Variants in PLEKHA7 observed in about 807,000 individuals in gnomAD.
PLEKHA7 encodes the protein pleckstrin homology domain-containing family A member 7.
In PLEKHA7, 104 loss-of-function variants were observed where a neutral mutation model predicts 170.0. That is an observed-to-expected ratio of 0.61 (90% confidence interval 0.52 to 0.72). PLEKHA7 has a LOEUF of 0.72. Ranked by LOEUF, PLEKHA7 falls within the 30% of genes least tolerant of loss-of-function variation. The pLI is 0.00. For missense variants in PLEKHA7, 1,615 were observed against 1,671.7 expected (o/e 0.97, Z 0.59); for synonymous variants, 648 against 660.8 (o/e 0.98, Z 0.30).
chr11:16,961,816 G>C (rs1862077141), intron 3 of PLEKHA7, among the ~76,000 whole-genome samples: 1 of 152,186 alleles, frequency 6.6e-6, no homozygotes, highest in Non-Finnish European at 1.5e-5. Context: ...ATTTAACTTA[G>C]GCAAGTCTTT....
intron 3 of PLEKHA7, among the ~76,000 whole-genome samples, chr11:16,921,460 T>G (rs1285182422): frequency 1.3e-5 from 2 of 152,196 alleles, no homozygotes; most frequent in Non-Finnish European, 2.9e-5. Context: ...AGCAAACTTA[T>G]TTTACAAATT....
At chr11:17,005,999 T>A (rs1390579024) in intron 3 of PLEKHA7, among the ~76,000 whole-genome samples, 1 of 152,224 alleles carries the variant, frequency 6.6e-6, no homozygotes, top group Non-Finnish European at 1.5e-5. Context: ...TTCCCAGAAA[T>A]TCTTTGTGGG....
intron 17 of PLEKHA7, among the ~76,000 whole-genome samples, chr11:16,800,044 G>C (rs1019837657): frequency 1.3e-5 from 2 of 152,152 alleles, no homozygotes; most frequent in Non-Finnish European, 2.9e-5. Flanking sequence ...CTTAAACAAA[G>C]AGCCTTGGTT....
Position 16,959,228 on chromosome 11 carries a change from T to TACC in PLEKHA7, c.221+54760_221+54761insGGT, listed in dbSNP as rs1554983280. ...CAACAGTTATCTTTCTGCTCCCCTC[T>TACC]CTCCCCCTCAGGTAGACCCCAGTGT... On this transcript the variant is annotated intron_variant, in intron 3 of 26. Transcript: ENST00000531066. Among the ~76,000 whole-genome samples, 64 of 151,924 alleles carry TACC rather than the reference T, an allele frequency of 4.2e-4. 1 individual carries two copies. The Middle Eastern group carries it at 0.01, about 25-fold the overall frequency.
chr11:16,976,942 C>A (rs1469402117), intron 3 of PLEKHA7, among the ~76,000 whole-genome samples: 1 of 152,172 alleles, frequency 6.6e-6, no homozygotes, highest in East Asian at 1.9e-4. Context: ...GAGCACCTGG[C>A]AGTGTGCAGT....
intron 3 of PLEKHA7, among the ~76,000 whole-genome samples, chr11:16,872,333 C>T (rs924433427): frequency 2.6e-5 from 4 of 151,926 alleles, no homozygotes; most frequent in Admixed American, 6.6e-5. Flanking sequence ...GAGATATACC[C>T]GGGTATGTTC....
intron 3 of PLEKHA7, among the ~76,000 whole-genome samples, chr11:16,931,898 A>G (rs1244844413): frequency 6.6e-6 from 1 of 152,222 alleles, no homozygotes; most frequent in African/African-American, 2.4e-5. Flanking sequence ...AGAGGAAAAT[A>G]CAAGTAAAGA....
At chr11:16,934,911 G>T (rs1860182017) in intron 3 of PLEKHA7, among the ~76,000 whole-genome samples, 1 of 152,112 alleles carries the variant, frequency 6.6e-6, no homozygotes, top group Non-Finnish European at 1.5e-5. Context: ...GTTATAATTA[G>T]CACCTGTATT....
chr11:16,790,062 G>T (rs548916809), intron 21 of PLEKHA7, 184 bp from the exon 22 acceptor site: 2 of 610,350 alleles, frequency 3.3e-6, no homozygotes, highest in African/African-American at 3.7e-5. Flanking sequence ...GGCCAGCCCA[G>T]GGGTGACCTT....
chr11:16,929,595 C>G (rs947239779), intron 3 of PLEKHA7, among the ~76,000 whole-genome samples: 1 of 152,228 alleles, frequency 6.6e-6, no homozygotes, highest in African/African-American at 2.4e-5. Context: ...CTGCCTCCCC[C>G]GCTTCTTGGT....
At chr11:16,888,155 C>G (rs948749729) in intron 3 of PLEKHA7, among the ~76,000 whole-genome samples, 1 of 97,878 alleles carries the variant, frequency 1.0e-5, no homozygotes, top group Admixed American at 1.0e-4. Context: ...CCCCTCCACC[C>G]GGCAGCCGTC....
chr11:16,797,576 TC>T (rs1848319458), intron 17 of PLEKHA7, among the ~76,000 whole-genome samples: 1 of 152,174 alleles, frequency 6.6e-6, no homozygotes, highest in Non-Finnish European at 1.5e-5. Context: ...GGCTCACAGT[TC>T]TCACTCTCTC....
In PLEKHA7 at chr11:16,852,263, T is replaced by C. The variant is rs766596945; in HGVS notation, c.595+20A>G. The C allele has an allele frequency of 1.1e-5, 18 of 1,612,086 alleles. No individual in the cohort carries two copies. Among genetic ancestry groups the C allele is most frequent in the South Asian group, 4.4e-5 (4 of 90,990 alleles). ...AAAACTGAACACTTCGGCAGGGTAA[T>C]AGGCTACTTGTTAGCTCACCTTTAT... On this transcript the variant is annotated intron_variant, in intron 7 of 26. Transcript: ENST00000531066.
rs1848824716 is a variant in PLEKHA7 at position 16,778,995 on chromosome 11, G to A, written c.*3C>T. 1.4e-6 allele frequency: 1 copy of A among 702,512 alleles called. No individual in the cohort carries two copies. The highest frequency in any genetic ancestry group is 2.6e-6 in the Non-Finnish European group (1 of 385,008). The allele number at this position is 702,512 out of a possible 1,614,324, so 43.5% of individuals were successfully genotyped here. A position where few individuals can be genotyped will look rare whatever the true frequency, so the allele number is the denominator to read the frequency against. On this transcript the variant is annotated 3_prime_UTR_variant, in exon 27 of 27. Coordinates refer to ENST00000531066, the MANE Select transcript of PLEKHA7 (RefSeq NM_001329630.2). ...CTGGCTCCAGGCTTCTTTGCATGCT[G>A]GGTCACGGGTCAGTCACTGCCTGGG...
chr11:16,825,781 A>G (rs1767219437), intron 10 of PLEKHA7, among the ~76,000 whole-genome samples: 1 of 152,244 alleles, frequency 6.6e-6, no homozygotes, highest in South Asian at 2.1e-4. Flanking sequence ...AAGATCGATT[A>G]TCATTTACAT....
intron 13 of PLEKHA7, among the ~76,000 whole-genome samples, chr11:16,805,817 A>C (rs1848945185): frequency 6.6e-6 from 1 of 151,834 alleles, no homozygotes. Context: ...ACAAAAACAA[A>C]AACAAAAAAA....
In PLEKHA7 at chr11:16,786,357, AC is replaced by A; in HGVS notation, c.3387del (p.Gln1129HisfsTer20). 1 of 1,536,152 alleles carries A rather than the reference AC, an allele frequency of 6.5e-7. No homozygotes were observed. Among genetic ancestry groups the A allele is most frequent in the Non-Finnish European group, 8.7e-7 (1 of 1,146,918 alleles). The stretch of plus-strand genomic sequence containing the variant: ...TCCCCTTGCACGACCCGTTCCAGCA[AC>A]TGCAGGTCAAAGTCCTGCTCACGCT... ...SWKREQDFDL[Q>X]LLERVVQGEK... is the part of the protein sequence containing the mutation. On this transcript the variant is annotated frameshift_variant, in exon 24 of 27. Coordinates refer to ENST00000531066, the MANE Select transcript of PLEKHA7 (RefSeq NM_001329630.2). LOFTEE classifies it high-confidence loss of function.
chr11:16,781,852 G>A (rs1849042985), intron 26 of PLEKHA7, among the ~76,000 whole-genome samples: 1 of 152,120 alleles, frequency 6.6e-6, no homozygotes, highest in Non-Finnish European at 1.5e-5. Context: ...AGAATTGGTA[G>A]GGGCCATGAC....
intron 3 of PLEKHA7, among the ~76,000 whole-genome samples, chr11:16,953,116 C>T (rs755149920): frequency 1.3e-5 from 2 of 152,162 alleles, no homozygotes; most frequent in East Asian, 1.9e-4. Flanking sequence ...TTGAGCTATG[C>T]CTTAAAGGCT....
Sources: gnomAD v4.1 joint callset for allele counts (sites outside exome capture counted in the v4.1 genomes callset) on GRCh38, gnomAD v4.1.1 for gene constraint, MANE v1.5 for transcripts, NCBI Gene and HGNC (gene_info 2026-07-23, HGNC 2026-07-21) for gene names.